AUTS2: variants seen among roughly 807,000 people sequenced by gnomAD.
The protein encoded by AUTS2 is autism susceptibility gene 2 protein.
A neutral mutation model predicts 112.4 loss-of-function variants in AUTS2; 17 were observed. The observed-to-expected ratio is 0.15, with a 90% CI of 0.10 to 0.23. The LOEUF (loss-of-function observed/expected upper bound fraction) is 0.23. AUTS2 is among the 10% of genes least tolerant of loss of function. The pLI, the probability that AUTS2 is intolerant of heterozygous loss-of-function variation, is 1.00. For missense variants in AUTS2, 1,510 were observed against 1,701.6 expected (o/e 0.89, Z 1.98); for synonymous variants, 751 against 702.7 (o/e 1.07, Z -1.09).
intron 4 of AUTS2, among the ~76,000 whole-genome samples, chr7:70,158,127 T>C (rs958394820): frequency 6.6e-6 from 1 of 152,160 alleles, no homozygotes; most frequent in African/African-American, 2.4e-5. Flanking sequence ...CCTGGAGATG[T>C]TGTTGGAATG....
rs770943746 is a variant in AUTS2, at chr7:70,781,776, G to A, written c.2146+20G>A. On this transcript the variant is annotated intron_variant, in intron 15 of 18. Transcript: ENST00000342771. ...CCGCTGGTGAGTGTGGGTTTGGGTGGGGGGACAGAGCTGAGAAATGTAGTT... is the reference window on the plus strand; with the variant it reads ...CCGCTGGTGAGTGTGGGTTTGGGTGAGGGGACAGAGCTGAGAAATGTAGTT... 2.5e-6 allele frequency: 4 copies of A among 1,612,220 alleles called. No individual in the cohort carries two copies. The East Asian group carries it at 8.9e-5, about 36-fold the overall frequency.
intron 2 of AUTS2, among the ~76,000 whole-genome samples, chr7:70,005,476 A>C (rs2129553523): frequency 6.6e-6 from 1 of 152,338 alleles, no homozygotes; most frequent in East Asian, 1.9e-4. Context: ...AAGATCAAGA[A>C]GAAATGACCT....
At chr7:70,117,126 T>G (rs1475775526) in intron 2 of AUTS2, among the ~76,000 whole-genome samples, 2 of 111,648 alleles carry the variant, frequency 1.8e-5, no homozygotes, top group East Asian at 2.7e-4. Flanking sequence ...TGTTTTTTTT[T>G]GTTTTTTTTT....
intron 5 of AUTS2, among the ~76,000 whole-genome samples, chr7:70,602,009 G>A (rs371363625): frequency 2.6e-4 from 39 of 152,054 alleles, no homozygotes; most frequent in African/African-American, 8.7e-4. Flanking sequence ...GATCCTCATG[G>A]TGGCAGTGCC....
At chr7:69,740,708 T>C (rs147629655) in intron 1 of AUTS2, among the ~76,000 whole-genome samples, 3 of 151,870 alleles carry the variant, frequency 2.0e-5, no homozygotes, top group African/African-American at 4.8e-5. Flanking sequence ...GTATTTTTAA[T>C]AGAGACGGAC....
intron 1 of AUTS2, among the ~76,000 whole-genome samples, chr7:69,815,831 G>C (rs1444260625): frequency 6.6e-6 from 1 of 152,098 alleles, no homozygotes; most frequent in East Asian, 1.9e-4. Flanking sequence ...AACTTAACAT[G>C]ATGACCTACA....
intron 1 of AUTS2, among the ~76,000 whole-genome samples, chr7:69,646,842 C>A (rs1584001184): frequency 6.6e-6 from 1 of 152,140 alleles, no homozygotes; most frequent in South Asian, 2.1e-4. Context: ...ATCCCAGCAT[C>A]TTGGGAGGGC....
At chr7:69,938,448 C>G (rs1796500985) in intron 2 of AUTS2, among the ~76,000 whole-genome samples, 1 of 152,170 alleles carries the variant, frequency 6.6e-6, no homozygotes, top group Admixed American at 6.5e-5. Flanking sequence ...ATACAATAAT[C>G]CTTTTGTATG....
rs560839328 is a variant in AUTS2, at chr7:69,733,983, G to A, written c.309+134021G>A. ...CTTATTCAACCTCTTTTTAGCTGGT[G>A]TTTCATTACCACCGAGGATTTATAA... On this transcript the variant is annotated intron_variant, in intron 1 of 18. Coordinates refer to ENST00000342771, the MANE Select transcript of AUTS2 (RefSeq NM_015570.4). 1.1e-4 allele frequency among the ~76,000 whole-genome samples: 17 copies of A among 152,164 alleles called. No individual in the cohort carries two copies. The South Asian group carries it at 3.3e-3, about 30-fold the overall frequency.
chr7:70,213,188 A>G (rs12698873), intron 4 of AUTS2, among the ~76,000 whole-genome samples: 1 of 151,878 alleles, frequency 6.6e-6, no homozygotes, highest in Non-Finnish European at 1.5e-5. Context: ...AAAGAAATAG[A>G]TATCATACAA....
At chr7:70,345,225 A>T (rs1285822637) in intron 4 of AUTS2, among the ~76,000 whole-genome samples, 1 of 152,068 alleles carries the variant, frequency 6.6e-6, no homozygotes, top group Non-Finnish European at 1.5e-5. Flanking sequence ...TGACTACTGG[A>T]TGGTTATCTA....
chr7:69,692,536 T>C (rs1235019649), intron 1 of AUTS2, among the ~76,000 whole-genome samples: 2 of 152,258 alleles, frequency 1.3e-5, no homozygotes, highest in Admixed American at 1.3e-4. Flanking sequence ...CTTTTATTTA[T>C]TGTATCCTTA....
chr7:70,451,022 A>G (rs1466639203), intron 5 of AUTS2, among the ~76,000 whole-genome samples: 1 of 152,144 alleles, frequency 6.6e-6, no homozygotes, highest in African/African-American at 2.4e-5. Context: ...AAGAGAGTAC[A>G]TATTGATGAT....
intron 2 of AUTS2, among the ~76,000 whole-genome samples, chr7:70,096,554 G>T: frequency 6.8e-6 from 1 of 146,874 alleles, no homozygotes; most frequent in Middle Eastern, 3.4e-3. Context: ...AGCCGAGATC[G>T]CGCCATTGCA....
At chr7:70,549,806 C>T (rs1800943877) in intron 5 of AUTS2, among the ~76,000 whole-genome samples, 1 of 152,222 alleles carries the variant, frequency 6.6e-6, no homozygotes. Flanking sequence ...CCTGAAACAA[C>T]ACGAAGGAGC....
chr7:70,726,210 A>G (rs1787020041), intron 6 of AUTS2, among the ~76,000 whole-genome samples: 1 of 152,166 alleles, frequency 6.6e-6, no homozygotes, highest in Non-Finnish European at 1.5e-5. Context: ...GCTACCTCTC[A>G]ACACATTAGA....
intron 2 of AUTS2, among the ~76,000 whole-genome samples, chr7:70,014,252 T>C (rs1024082284): frequency 1.5e-4 from 23 of 152,188 alleles, no homozygotes; most frequent in African/African-American, 5.6e-4. Context: ...GAAAGGGAGC[T>C]TAAAGAGGCA....
In AUTS2 at chr7:70,689,149, G is replaced by A. The variant is rs1366080341; in HGVS notation, c.691-9420G>A. ...AGGCAGGAGGATCACTTGAGGCCAC[G>A]AGTTCAAGACCAGCCTGGGAAACAT... On this transcript the variant is annotated intron_variant, in intron 5 of 18. Coordinates refer to ENST00000342771, the MANE Select transcript of AUTS2 (RefSeq NM_015570.4). 1.8e-4 allele frequency among the ~76,000 whole-genome samples: 28 copies of A among 152,170 alleles called. No homozygotes were observed. The South Asian group carries it at 4.6e-3, about 25-fold the overall frequency.
intron 2 of AUTS2, among the ~76,000 whole-genome samples, chr7:70,064,882 G>A (rs1482251635): frequency 3.3e-5 from 5 of 152,140 alleles, no homozygotes; most frequent in Admixed American, 3.3e-4. Flanking sequence ...TTTCCCGGTA[G>A]TAGGTATTAC....
Sources: allele counts gnomAD v4.1 joint callset (sites outside exome capture counted in the v4.1 genomes callset), GRCh38; gene constraint gnomAD v4.1.1; transcripts MANE v1.5; gene names NCBI Gene and HGNC (gene_info 2026-07-23, HGNC 2026-07-21).